Variants in SYBU observed in about 807,000 individuals in gnomAD.
The protein encoded by SYBU is GOLSYN A protein.
A neutral mutation model predicts 35.9 loss-of-function variants in SYBU; 21 were observed. The ratio of observed to expected loss-of-function variants is 0.58; its 90% CI spans 0.41 to 0.84. SYBU has a LOEUF of 0.84. Ranked by LOEUF, SYBU falls within the 40% of genes least tolerant of loss-of-function variation. The probability of loss-of-function intolerance (pLI) is 0.00; values close to 1 mark genes in which losing one functional copy is unlikely to be tolerated. For synonymous variants in SYBU, 319 were observed against 324.3 expected (o/e 0.98, Z 0.18); for missense variants, 768 against 848.2 (o/e 0.91, Z 1.17).
At chr8:109,585,022 A>T (rs1168364814) in intron 4 of SYBU, among the ~76,000 whole-genome samples, 1 of 152,164 alleles carries the variant, frequency 6.6e-6, no homozygotes, top group Admixed American at 6.5e-5. Context: ...AAGCTAAAAT[A>T]TACCACAAAC....
chr8:109,623,565 A>G (rs1337421111), intron 2 of SYBU, among the ~76,000 whole-genome samples: 1 of 152,212 alleles, frequency 6.6e-6, no homozygotes, highest in Non-Finnish European at 1.5e-5. Context: ...GCGAAAAACC[A>G]GCAACTATTA....
At chr8:109,625,311 TTC>T (rs1285242368) in intron 2 of SYBU, among the ~76,000 whole-genome samples, 3 of 152,254 alleles carry the variant, frequency 2.0e-5, no homozygotes, top group Non-Finnish European at 4.4e-5. Context: ...CACTGCACTA[TTC>T]TCTGTTTTTG....
rs1826228333 is a variant in SYBU, at chr8:109,607,825, C to A, written c.427+11017G>T. On this transcript the variant is annotated intron_variant, in intron 3 of 6. Transcript: ENST00000276646. ...CAACTAACTCACACACACACACACACACACACACACACACACACACACACA... is the reference window on the plus strand; with the variant it reads ...CAACTAACTCACACACACACACACAAACACACACACACACACACACACACA... 5 of 703,848 alleles carry A rather than the reference C, an allele frequency of 7.1e-6. No homozygotes were observed. In the South Asian group the frequency reaches 7.2e-5, roughly 10 times the overall value. The allele number at this position is 703,848 out of a possible 1,614,324, so 43.6% of individuals were successfully genotyped here.
At chr8:109,689,576 T>A (rs907915258) in intron 1 of SYBU, among the ~76,000 whole-genome samples, 1 of 152,032 alleles carries the variant, frequency 6.6e-6, no homozygotes, top group Non-Finnish European at 1.5e-5. Context: ...AAGCAACCCA[T>A]CCTTCTCAGG....
intron 2 of SYBU, among the ~76,000 whole-genome samples, chr8:109,622,754 C>A (rs1265407995): frequency 1.3e-5 from 2 of 151,768 alleles, no homozygotes; most frequent in African/African-American, 4.9e-5. Flanking sequence ...ATATTTTTAG[C>A]TTTTATAAGT....
intron 2 of SYBU, among the ~76,000 whole-genome samples, chr8:109,622,034 C>A (rs981161912): frequency 6.6e-6 from 1 of 152,058 alleles, no homozygotes; most frequent in Non-Finnish European, 1.5e-5. Flanking sequence ...TCTTCATGGC[C>A]GGTTGGAAGC....
upstream of SYBU, chr8:109,647,633 T>C (rs192666936): frequency 7.6e-4 from 116 of 152,352 alleles, no homozygotes; most frequent in African/African-American, 2.6e-3. Flanking sequence ...GTGAATTCTA[T>C]AACCCCATAA....
chr8:109,666,849 A>G (rs1308578213), intron 1 of SYBU, among the ~76,000 whole-genome samples: 1 of 152,200 alleles, frequency 6.6e-6, no homozygotes. Context: ...TATTTTTTAA[A>G]AGAACTTATA....
chr8:109,679,669 C>G (rs1428177679), intron 1 of SYBU, among the ~76,000 whole-genome samples: 1 of 152,230 alleles, frequency 6.6e-6, no homozygotes, highest in Non-Finnish European at 1.5e-5. Flanking sequence ...AGACAGCTCT[C>G]TATGTTATTA....
chr8:109,674,957 A>C (rs933545163), intron 1 of SYBU, among the ~76,000 whole-genome samples: 4 of 152,254 alleles, frequency 2.6e-5, no homozygotes, highest in Non-Finnish European at 5.9e-5. Context: ...CCACAGTGCA[A>C]TCAAATTAGA....
At chr8:109,583,968 C>G (rs1823331148) in intron 4 of SYBU, among the ~76,000 whole-genome samples, 1 of 149,928 alleles carries the variant, frequency 6.7e-6, no homozygotes, top group South Asian at 2.1e-4. Flanking sequence ...ACCTACATGC[C>G]CGGCTAATTT....
intron 4 of SYBU, among the ~76,000 whole-genome samples, chr8:109,581,476 G>C (rs1426433798): frequency 6.6e-6 from 1 of 152,182 alleles, no homozygotes; most frequent in East Asian, 1.9e-4. Context: ...GGATAAACTT[G>C]TTCAAACTTC....
chr8:109,621,803 C>A (rs1176505819), intron 2 of SYBU, among the ~76,000 whole-genome samples: 1 of 152,142 alleles, frequency 6.6e-6, no homozygotes, highest in Non-Finnish European at 1.5e-5. Context: ...TTGTCTAATG[C>A]ACCCGACACT....
At position 109,617,736 on chromosome 8, in the gene SYBU, C is replaced by T. The variant is rs572690362; in HGVS notation, c.427+1106G>A. Among the ~76,000 whole-genome samples the T allele has an allele frequency of 3.9e-5, 6 of 152,226 alleles. No homozygotes were observed. The South Asian group carries it at 8.3e-4, about 21-fold the overall frequency. ...TTATTCCAAAGTGGGAGACTATTAA[C>T]GAATTCATTATGACTAACATTTATC... On this transcript the variant is annotated intron_variant, in intron 3 of 6. Transcript: ENST00000276646.
chr8:109,665,341 G>A (rs546092825), intron 1 of SYBU, among the ~76,000 whole-genome samples: 11 of 152,254 alleles, frequency 7.2e-5, no homozygotes, highest in Middle Eastern at 3.4e-3. Flanking sequence ...CTTGATAACC[G>A]TGTGCCTCAT....
At chr8:109,687,860 A>C (rs1439695944) in intron 1 of SYBU, among the ~76,000 whole-genome samples, 3 of 152,202 alleles carry the variant, frequency 2.0e-5, no homozygotes, top group African/African-American at 7.2e-5. Flanking sequence ...TATAAGGATA[A>C]ATGGATCTTC....
intron 2 of SYBU, among the ~76,000 whole-genome samples, chr8:109,624,542 GAGT>G (rs1812772521): frequency 1.3e-5 from 2 of 152,204 alleles, no homozygotes; most frequent in South Asian, 4.1e-4. Context: ...GTCTAATGGA[GAGT>G]TTACAGTGGA....
At chr8:109,667,315 A>G (rs1816791917) in intron 1 of SYBU, among the ~76,000 whole-genome samples, 1 of 151,974 alleles carries the variant, frequency 6.6e-6, no homozygotes, top group Admixed American at 6.6e-5. Context: ...ACGGGGTTTC[A>G]CAGTGTTAGC....
chr8:109,650,531 T>C (rs375802696), intron 1 of SYBU, among the ~76,000 whole-genome samples: 73 of 152,310 alleles, frequency 4.8e-4, no homozygotes, highest in African/African-American at 1.7e-3. Flanking sequence ...GGGTCACTGG[T>C]GCAGTTGTAG....
Sources: allele counts gnomAD v4.1 joint callset (sites outside exome capture counted in the v4.1 genomes callset), GRCh38; gene constraint gnomAD v4.1.1; transcripts MANE v1.5; gene names NCBI Gene and HGNC (gene_info 2026-07-23, HGNC 2026-07-21).